The following ULK4 variants were observed in gnomAD, a reference collection of about 807,000 sequenced individuals.
The protein encoded by ULK4 is inactive serine/threonine-protein kinase ULK4.
A neutral mutation model predicts 160.6 loss-of-function variants in ULK4; 133 were observed. The ratio of observed to expected loss-of-function variants is 0.83; its 90% CI spans 0.72 to 0.96. The LOEUF (loss-of-function observed/expected upper bound fraction) is 0.96. ULK4 is among the 40% of genes least tolerant of loss of function. The pLI is 0.00. For missense variants in ULK4, 1,580 were observed against 1,499.5 expected (o/e 1.05, Z -0.89); for synonymous variants, 534 against 539.8 (o/e 0.99, Z 0.15).
intron 31 of ULK4, among the ~76,000 whole-genome samples, chr3:41,571,163 A>G (rs2087958212): frequency 6.6e-6 from 1 of 152,220 alleles, no homozygotes; most frequent in Non-Finnish European, 1.5e-5. Context: ...TATGTTACAG[A>G]ATTATCTTTA....
At chr3:41,467,442 G>A (rs138091023) in intron 32 of ULK4, among the ~76,000 whole-genome samples, 296 of 152,216 alleles carry the variant, frequency 1.9e-3, no homozygotes, top group African/African-American at 6.9e-3. Context: ...CAGGAGAATC[G>A]TTTGAACCCA....
intron 35 of ULK4, among the ~76,000 whole-genome samples, chr3:41,372,399 G>C (rs1009198944): frequency 2.6e-5 from 4 of 152,194 alleles, no homozygotes; most frequent in African/African-American, 9.6e-5. Flanking sequence ...CAGAGAGAAA[G>C]GTCGGGTTAC....
At chr3:41,892,693 G>A (rs1346709421) in intron 16 of ULK4, among the ~76,000 whole-genome samples, 2 of 152,042 alleles carry the variant, frequency 1.3e-5, no homozygotes, top group African/African-American at 4.8e-5. Context: ...TTCCTTTCTT[G>A]GGAAACCAAC....
In ULK4 at chr3:41,516,767, T is replaced by G. The variant is rs556518227; in HGVS notation, c.3226+49258A>C. ...AACAGAATAAATAAGACCTACTATT[T>G]GATAGCACAACAGGGTGACTATAGT... On this transcript the variant is annotated intron_variant, in intron 32 of 36. Coordinates refer to ENST00000301831, the MANE Select transcript of ULK4 (RefSeq NM_017886.4). Among the ~76,000 whole-genome samples the G allele has an allele frequency of 4.6e-5, 7 of 152,288 alleles. No homozygotes were observed. The East Asian group carries it at 1.2e-3, about 25-fold the overall frequency.
rs1027674719 is a variant in ULK4, at chr3:41,822,565, G to C, written c.1765-3059C>G. 5.3e-5 allele frequency among the ~76,000 whole-genome samples: 8 copies of C among 149,970 alleles called. No individual in the cohort carries two copies. In the South Asian group the frequency reaches 6.4e-4, roughly 12 times the overall value. On this transcript the variant is annotated intron_variant, in intron 18 of 36. Transcript: ENST00000301831. ...CCCAAGTAGCTGGGATTACAGGCCT[G>C]AGCCACCACACCCGGCTAATTTTTT... is the stretch of plus-strand genomic sequence containing the variant.
chr3:41,574,966 A>G (rs1489307591), intron 31 of ULK4, among the ~76,000 whole-genome samples: 2 of 152,194 alleles, frequency 1.3e-5, no homozygotes, highest in African/African-American at 4.8e-5. Context: ...TGGCTACCAC[A>G]GCCCAGTTTC....
intron 21 of ULK4, among the ~76,000 whole-genome samples, chr3:41,772,895 G>A (rs910609453): frequency 1.3e-5 from 2 of 152,168 alleles, no homozygotes; most frequent in African/African-American, 4.8e-5. Context: ...CTTCATCCCT[G>A]GGATGCAAGG....
At chr3:41,449,236 T>A (rs201259074) in intron 34 of ULK4, among the ~76,000 whole-genome samples, 12 of 95,506 alleles carry the variant, frequency 1.3e-4, no homozygotes, top group African/African-American at 3.9e-4. Flanking sequence ...TATTTAAAAA[T>A]TTTTTTTTTA....
intron 31 of ULK4, among the ~76,000 whole-genome samples, chr3:41,602,327 GGGAAAGGAAAGGA>G (rs1415061105): frequency 5.0e-5 from 6 of 119,264 alleles, no homozygotes; most frequent in African/African-American, 2.0e-4. Flanking sequence ...AAAGGAGGAA[GGGAAAGGAAAGGA>G]GGAAGGGAAA....
At chr3:41,337,557 A>T (rs73831322) in intron 35 of ULK4, among the ~76,000 whole-genome samples, 7,286 of 152,204 alleles carry the variant, frequency 0.048, 444 homozygotes, top group East Asian at 0.19. Context: ...ACACACACGC[A>T]TGTGCACACA....
At chr3:41,541,917 G>C (rs527957424) in intron 32 of ULK4, among the ~76,000 whole-genome samples, 1 of 152,252 alleles carries the variant, frequency 6.6e-6, no homozygotes, top group Non-Finnish European at 1.5e-5. Flanking sequence ...TAGACTTTGG[G>C]CTGAGATTAT....
intron 16 of ULK4, among the ~76,000 whole-genome samples, chr3:41,893,850 G>C (rs773347700): frequency 6.6e-6 from 1 of 151,832 alleles, no homozygotes; most frequent in Non-Finnish European, 1.5e-5. Flanking sequence ...ATATATCTAC[G>C]TCAATAATAA....
chr3:41,603,950 T>C lies in ULK4; in HGVS notation c.3120+11719A>G, dbSNP rs534441952. The stretch of plus-strand genomic sequence containing the variant: ...CCATAACTATTCAATAGATGCATAT[T>C]GAGTGGCCACCTAAGACTACTGTGT... On this transcript the variant is annotated intron_variant, in intron 31 of 36. Coordinates refer to ENST00000301831, the MANE Select transcript of ULK4 (RefSeq NM_017886.4). Among the ~76,000 whole-genome samples, 207 of 152,214 alleles carry C rather than the reference T, an allele frequency of 1.4e-3. 1 individual carries two copies. The highest frequency in any genetic ancestry group is 4.7e-3 in the African/African-American group (197 of 41,548).
At chr3:41,781,205 T>A (rs1045779788) in intron 21 of ULK4, among the ~76,000 whole-genome samples, 12 of 152,152 alleles carry the variant, frequency 7.9e-5, no homozygotes, top group Non-Finnish European at 1.8e-4. Context: ...AAATCATTTA[T>A]GAGAAGGTCA....
chr3:41,317,075 T>C (rs2080158398), intron 35 of ULK4, among the ~76,000 whole-genome samples: 1 of 134,046 alleles, frequency 7.5e-6, no homozygotes, highest in South Asian at 2.4e-4. Context: ...TTTTTTTTTT[T>C]TTTTTTTTTT....
intron 32 of ULK4, among the ~76,000 whole-genome samples, chr3:41,560,942 A>G (rs1447790345): frequency 6.6e-6 from 1 of 152,212 alleles, no homozygotes. Flanking sequence ...GTCTTGTGCC[A>G]GTTTTCAAAG....
chr3:41,385,585 A>G (rs2081788118), intron 35 of ULK4, among the ~76,000 whole-genome samples: 1 of 152,232 alleles, frequency 6.6e-6, no homozygotes, highest in Non-Finnish European at 1.5e-5. Flanking sequence ...CCACATGTGC[A>G]AACAGATGCA....
chr3:41,251,363 C>T (rs150316399), intron 35 of ULK4, among the ~76,000 whole-genome samples: 12 of 152,234 alleles, frequency 7.9e-5, no homozygotes, highest in Non-Finnish European at 1.2e-4. Context: ...TCCAGTTCTG[C>T]GTAAGACAGA....
chr3:41,447,842 G>A (rs188558481), intron 34 of ULK4, among the ~76,000 whole-genome samples: 1 of 152,206 alleles, frequency 6.6e-6, no homozygotes, highest in East Asian at 1.9e-4. Context: ...CCCAATGAAT[G>A]TCAGGGCTAA....
Sources: gnomAD v4.1 joint callset for allele counts (sites outside exome capture counted in the v4.1 genomes callset) on GRCh38, gnomAD v4.1.1 for gene constraint, MANE v1.5 for transcripts, NCBI Gene and HGNC (gene_info 2026-07-23, HGNC 2026-07-21) for gene names.